The following GULP1 variants were observed in gnomAD, a reference collection of about 807,000 sequenced individuals.
GULP1 encodes PTB domain-containing engulfment adapter protein 1.
GULP1 carries 19 observed loss-of-function variants against 40.9 expected under a neutral mutation model. The observed-to-expected ratio is 0.46, with a 90% CI of 0.32 to 0.68. The LOEUF is 0.68. GULP1 is among the 30% of genes least tolerant of loss of function. The pLI, the probability that GULP1 is intolerant of heterozygous loss-of-function variation, is 0.03. For synonymous variants in GULP1, 119 were observed against 117.6 expected (o/e 1.01, Z -0.08); for missense variants, 312 against 362.2 (o/e 0.86, Z 1.12).
intron 1 of GULP1, among the ~76,000 whole-genome samples, chr2:188,370,127 A>T (rs1369920619): frequency 1.3e-5 from 2 of 152,178 alleles, no homozygotes; most frequent in Admixed American, 6.5e-5. Flanking sequence ...ATCTAGTCTT[A>T]GCTCAGGTGC....
At chr2:188,529,793 C>G (rs1020709936) in intron 6 of GULP1, among the ~76,000 whole-genome samples, 1 of 152,078 alleles carries the variant, frequency 6.6e-6, no homozygotes, top group African/African-American at 2.4e-5. Flanking sequence ...TAAGGACACT[C>G]ATCAAATTGG....
intron 2 of GULP1, among the ~76,000 whole-genome samples, chr2:188,393,134 G>A (rs1000191991): frequency 1.3e-5 from 2 of 149,052 alleles, no homozygotes; most frequent in African/African-American, 4.9e-5. Flanking sequence ...TTTTTTTTTT[G>A]TCTTTCTGTC....
intron 2 of GULP1, among the ~76,000 whole-genome samples, chr2:188,473,521 C>G (rs1559282284): frequency 6.6e-6 from 1 of 152,034 alleles, no homozygotes. Flanking sequence ...CATCCCCTTT[C>G]CAAAGGAAGG....
intron 2 of GULP1, among the ~76,000 whole-genome samples, chr2:188,473,085 G>A (rs190502721): frequency 1.3e-5 from 2 of 152,284 alleles, no homozygotes; most frequent in East Asian, 3.9e-4. Flanking sequence ...GAATTCTCCA[G>A]ATCACCATGC....
intron 2 of GULP1, among the ~76,000 whole-genome samples, chr2:188,435,678 G>T (rs2057341049): frequency 6.6e-6 from 1 of 152,034 alleles, no homozygotes; most frequent in Non-Finnish European, 1.5e-5. Context: ...ATTCTCATCT[G>T]TGGACTCTAC....
intron 9 of GULP1, among the ~76,000 whole-genome samples, chr2:188,580,360 C>G (rs1044368846): frequency 6.6e-6 from 1 of 151,636 alleles, no homozygotes; most frequent in Non-Finnish European, 1.5e-5. Flanking sequence ...GAGACCATCC[C>G]GGCTAAAACG....
chr2:188,502,468 A>T (rs1238967921), intron 4 of GULP1, among the ~76,000 whole-genome samples: 1 of 151,946 alleles, frequency 6.6e-6, no homozygotes, highest in Non-Finnish European at 1.5e-5. Context: ...TCTATAATTT[A>T]TGTAGTAATA....
intron 6 of GULP1, among the ~76,000 whole-genome samples, chr2:188,532,199 A>G (rs1424578031): frequency 6.6e-6 from 1 of 152,234 alleles, no homozygotes; most frequent in African/African-American, 2.4e-5. Flanking sequence ...CATATACCAT[A>G]ATTTACCAAA....
intron 1 of GULP1, among the ~76,000 whole-genome samples, chr2:188,374,872 A>G (rs1211150372): frequency 3.3e-5 from 5 of 152,166 alleles, no homozygotes; most frequent in African/African-American, 1.2e-4. Flanking sequence ...AAACAAGTTA[A>G]ATGCAGGGTG....
intron 1 of GULP1, among the ~76,000 whole-genome samples, chr2:188,337,232 G>C (rs1296876084): frequency 1.3e-5 from 2 of 151,696 alleles, no homozygotes. Flanking sequence ...TCTGCCTCCC[G>C]GATTCAAGTG....
intron 2 of GULP1, among the ~76,000 whole-genome samples, chr2:188,475,844 A>G (rs2060965969): frequency 1.3e-5 from 2 of 152,268 alleles, no homozygotes; most frequent in South Asian, 4.1e-4. Context: ...ATGTATATAC[A>G]GTCTGATGGC....
At chr2:188,416,761 G>A (rs1400944049) in intron 2 of GULP1, among the ~76,000 whole-genome samples, 1 of 152,164 alleles carries the variant, frequency 6.6e-6, no homozygotes, top group African/African-American at 2.4e-5. Context: ...AGGATAGTGA[G>A]CTCTTGAACA....
chr2:188,369,466 C>T (rs1342900993), intron 1 of GULP1, among the ~76,000 whole-genome samples: 4 of 151,932 alleles, frequency 2.6e-5, no homozygotes, highest in Non-Finnish European at 5.9e-5. Context: ...CCAACATGTC[C>T]AGTCTTTAAG....
chr2:188,312,602 A>G (rs929416130), intron 1 of GULP1, among the ~76,000 whole-genome samples: 6 of 152,178 alleles, frequency 3.9e-5, no homozygotes, highest in African/African-American at 1.4e-4. Context: ...TGCTGCAATA[A>G]ACATATGTGT....
intron 4 of GULP1, among the ~76,000 whole-genome samples, chr2:188,501,156 C>A (rs911615109): frequency 5.9e-5 from 9 of 151,918 alleles, no homozygotes; most frequent in Non-Finnish European, 1.2e-4. Context: ...TCACCCAAAT[C>A]TCTTGTGAAA....
intron 5 of GULP1, among the ~76,000 whole-genome samples, chr2:188,527,724 CT>C (rs1291508499): frequency 1.3e-5 from 2 of 152,088 alleles, no homozygotes; most frequent in Non-Finnish European, 2.9e-5. Context: ...ATGGTACCCC[CT>C]GGGATAGGAA....
chr2:188,366,511 T>C (rs1216570358), intron 1 of GULP1, among the ~76,000 whole-genome samples: 1 of 152,042 alleles, frequency 6.6e-6, no homozygotes, highest in Non-Finnish European at 1.5e-5. Context: ...CACCTTTTGA[T>C]TCATTTGCAT....
intron 1 of GULP1, among the ~76,000 whole-genome samples, chr2:188,361,407 G>A (rs2046065631): frequency 1.3e-5 from 2 of 151,758 alleles, no homozygotes; most frequent in Non-Finnish European, 2.9e-5. Context: ...GGTGGGGCAG[G>A]GGAGGCAGGA....
intron 1 of GULP1, among the ~76,000 whole-genome samples, chr2:188,326,516 C>T (rs2040789812): frequency 2.0e-5 from 3 of 152,184 alleles, no homozygotes; most frequent in Non-Finnish European, 4.4e-5. Flanking sequence ...AGCCCCCCAA[C>T]AAATGAAAAT....
Sources: allele counts gnomAD v4.1 joint callset (sites outside exome capture counted in the v4.1 genomes callset), GRCh38; gene constraint gnomAD v4.1.1; transcripts MANE v1.5; gene names NCBI Gene and HGNC (gene_info 2026-07-23, HGNC 2026-07-21).